RELA: variants seen among roughly 807,000 people sequenced by gnomAD.
The protein encoded by RELA is transcription factor p65.
In RELA, 14 loss-of-function variants were observed where a neutral mutation model predicts 56.7. The ratio of observed to expected loss-of-function variants is 0.25; its 90% CI spans 0.16 to 0.39. RELA has a LOEUF of 0.39. RELA is among the 10% of genes least tolerant of loss of function. The pLI is 1.00. For synonymous variants in RELA, 315 were observed against 289.7 expected, an observed-to-expected ratio of 1.09 and a Z score of -0.89; for missense variants, 559 against 736.4, an observed-to-expected ratio of 0.76 and a Z score of 2.79.
In RELA at chr11:65,653,785, C is replaced by T. The variant is rs1037353058; in HGVS notation, c.*593G>A. On this transcript the variant is annotated 3_prime_UTR_variant, in exon 11 of 11. Transcript: ENST00000406246. ...AGAGCAAGGAAGTCCCAGACCAAACCCCTTCTGGATCCTGGAGAGAGCCAG... is the reference window on the plus strand; with the variant it reads ...AGAGCAAGGAAGTCCCAGACCAAACTCCTTCTGGATCCTGGAGAGAGCCAG... 1 of 156,656 alleles carries T rather than the reference C, an allele frequency of 6.4e-6. No individual in the cohort carries two copies. The highest frequency in any genetic ancestry group is 6.4e-5 in the Admixed American group (1 of 15,602). 9.7% of individuals were successfully genotyped at this position (156,656 alleles called of 1,614,324 possible).
chr11:65,657,402 G>A (rs78872617), intron 8 of RELA, among the ~76,000 whole-genome samples: 2,372 of 149,686 alleles, frequency 0.016, 66 homozygotes, highest in African/African-American at 0.054. Flanking sequence ...TCCCTGCTTT[G>A]AGTCTGTCTG....
At chr11:65,660,300 C>A in intron 4 of RELA, 85 bp from the exon 5 acceptor site, 1 of 1,235,244 alleles carries the variant, frequency 8.1e-7, no homozygotes, top group Non-Finnish European at 1.2e-6. Flanking sequence ...TCCTACTCTG[C>A]CCACCCCTAG....
rs1856495088 is a variant in RELA at position 65,658,891 on chromosome 11, G to A, written c.560-69C>T. ...GTCCCCAGGGTGGCCTGCAGGAGAT[G>A]CAACTTCCCTGCCCAGCCCAGAGTC... On this transcript the variant is annotated intron_variant, in intron 6 of 10. Transcript: ENST00000406246. This position sits in a 1 kb window ranked among gnomAD's most constrained non-coding sequence, Gnocchi z 4.5. 3 of 1,267,688 alleles carry A rather than the reference G, an allele frequency of 2.4e-6. No homozygotes were observed. The highest frequency in any genetic ancestry group is 2.3e-5 in the East Asian group (1 of 43,262). 78.5% of individuals were successfully genotyped at this position (1,267,688 alleles called of 1,614,324 possible).
Position 65,654,091 on chromosome 11 carries a change from C to T in RELA, c.*287G>A. Reference sequence around the variant, plus strand: ...GCTGGAGGATGGGGATGGGGGACCCCAGAGTTCCCTACAGAGAAGGGAGCT... The same window carrying T: ...GCTGGAGGATGGGGATGGGGGACCCTAGAGTTCCCTACAGAGAAGGGAGCT... On this transcript the variant is annotated 3_prime_UTR_variant, in exon 11 of 11. Transcript: ENST00000406246. 2.1e-6 allele frequency: 1 copy of T among 465,272 alleles called. No individual in the cohort carries two copies. Among genetic ancestry groups the T allele is most frequent in the Non-Finnish European group, 3.9e-6 (1 of 254,216 alleles). 28.8% of individuals were successfully genotyped at this position (465,272 alleles called of 1,614,324 possible). A position where few individuals can be genotyped will look rare whatever the true frequency, so the allele number is the denominator to read the frequency against.
At chr11:65,663,369 C>A (rs1198426743), upstream of RELA, among the ~76,000 whole-genome samples, 1 of 152,212 alleles carries the variant, frequency 6.6e-6, no homozygotes, top group Non-Finnish European at 1.5e-5. Context: ...GCTAAAGGTG[C>A]CTTTCGGTGG....
In RELA at chr11:65,660,518, G is replaced by A. The variant is rs1590938036; in HGVS notation, c.336-303C>T. The A allele has an allele frequency of 1.9e-5, 7 of 371,488 alleles. No individual in the cohort carries two copies. The East Asian group carries it at 2.1e-4, about 11-fold the overall frequency. The allele number at this position is 371,488 out of a possible 1,614,324, so 23.0% of individuals were successfully genotyped here. A position where few individuals can be genotyped will look rare whatever the true frequency, so the allele number is the denominator to read the frequency against. ...TCAAGGCCTTTGCACTTGTTTGGTCGGCTTGGAATGTTCTTTTCCTACTTC... is the reference window on the plus strand; with the variant it reads ...TCAAGGCCTTTGCACTTGTTTGGTCAGCTTGGAATGTTCTTTTCCTACTTC... On this transcript the variant is annotated intron_variant, in intron 4 of 10. Transcript: ENST00000406246.
intron 8 of RELA, among the ~76,000 whole-genome samples, chr11:65,657,083 T>A (rs561559654): frequency 1.4e-3 from 208 of 152,096 alleles, no homozygotes; most frequent in Non-Finnish European, 2.4e-3. Flanking sequence ...CCAGGGACGA[T>A]ATGGTGATGT....
At position 65,655,006 on chromosome 11, in the gene RELA, G is replaced by A. The variant is rs1276331179; in HGVS notation, c.1034-6C>T. The A allele has an allele frequency of 1.9e-5, 30 of 1,591,036 alleles. No homozygotes were observed. The highest frequency in any genetic ancestry group is 3.4e-5 in the South Asian group (3 of 87,512). ...AAAGGGATAGGGCTGGGGTGCTGGA[G>A]GAGAGAGACAGAGAGGCAGGGGTCA... On this transcript the variant is annotated splice_region_variant and splice_polypyrimidine_tract_variant and intron_variant, in intron 10 of 10. Transcript: ENST00000406246.
upstream of RELA, among the ~76,000 whole-genome samples, chr11:65,663,481 A>C (rs1027042690): frequency 6.6e-6 from 1 of 152,180 alleles, no homozygotes; most frequent in African/African-American, 2.4e-5. Flanking sequence ...CAGTGCATCA[A>C]GAGCTTTGCG....
intron 1 of RELA, 139 bp from the exon 2 acceptor site, chr11:65,662,344 G>GA: frequency 1.0e-6 from 1 of 1,000,058 alleles, no homozygotes; most frequent in Non-Finnish European, 1.4e-6. Context: ...AACCTGCGGT[G>GA]AAACTAAGGG....
chr11:65,654,137 A>C lies in RELA; in HGVS notation c.*241T>G. ...GAGCTGACCATCAGGACAGGGGAAA[A>C]GTTTGAGTTTCCCCAGCTCCCCCCT... On this transcript the variant is annotated 3_prime_UTR_variant, in exon 11 of 11. Transcript: ENST00000406246. The C allele has an allele frequency of 1.8e-6, 1 of 570,846 alleles. No homozygotes were observed. 35.4% of individuals were successfully genotyped at this position (570,846 alleles called of 1,614,324 possible).
At chr11:65,659,543 T>G (rs1856510709) in intron 6 of RELA, 123 bp downstream of exon 6, 1 of 1,261,668 alleles carries the variant, frequency 7.9e-7, no homozygotes, top group Non-Finnish European at 1.1e-6. Context: ...CAGAGAAGAG[T>G]AGACAAATAC....
chr11:65,654,277 T>C lies in RELA; in HGVS notation c.*101A>G. The C allele has an allele frequency of 6.9e-7, 1 of 1,443,842 alleles. No homozygotes were observed. The highest frequency in any genetic ancestry group is 9.7e-7 in the Non-Finnish European group (1 of 1,032,836). 89.4% of individuals were successfully genotyped at this position (1,443,842 alleles called of 1,614,324 possible). On this transcript the variant is annotated 3_prime_UTR_variant, in exon 11 of 11. Coordinates refer to ENST00000406246, the MANE Select transcript of RELA (RefSeq NM_021975.4). ...CCCTCCAAGGAAGACATCCACAAAGTTGGGGGCAGTTGGAACACACCCCAC... is the reference window on the plus strand; with the variant it reads ...CCCTCCAAGGAAGACATCCACAAAGCTGGGGGCAGTTGGAACACACCCCAC...
Position 65,658,809 on chromosome 11 carries a change from A to C in RELA, c.573T>G (p.Thr191=). 1 of 1,613,984 alleles carries C rather than the reference A, an allele frequency of 6.2e-7. No homozygotes were observed. Among genetic ancestry groups the C allele is most frequent in the Non-Finnish European group, 8.5e-7 (1 of 1,179,972 alleles). The change falls in exon 7 of 11, where the codon ACT becomes ACG. Residue 191 remains threonine, a synonymous_variant. Coordinates refer to ENST00000406246, the MANE Select transcript of RELA (RefSeq NM_021975.4). The surrounding 1 kb of genome is among the most constrained non-coding windows in gnomAD (Gnocchi z 4.5). ...HPIFDNRAPN[T]AELKICRVNR... ...TCACTCGGCAGATCTTGAGCTCGGC[A>C]GTGTTGGGGGCACCTGAGGCAGTGA...
rs951877648 is a variant in RELA at position 65,654,390 on chromosome 11, C to G, written c.1644G>C (p.Gln548His). The G allele has an allele frequency of 2.5e-6, 4 of 1,613,350 alleles. No homozygotes were observed. In the Admixed American group the frequency reaches 6.7e-5, roughly 27 times the overall value. Residue 548 changes from glutamine (Q) to histidine (H), a missense_variant, in exon 11 of 11, where the codon CAG (glutamine) becomes CAC (histidine). Coordinates refer to ENST00000406246, the MANE Select transcript of RELA (RefSeq NM_021975.4). ...ADMDFSALLS[Q>H]ISS The stretch of plus-strand genomic sequence containing the variant: ...AGGCGTCACCCCCTTAGGAGCTGAT[C>G]TGACTCAGCAGGGCTGAGAAGTCCA...
chr11:65,662,684 C>CCCGCG, intron 1 of RELA, 142 bp downstream of exon 1: 1 of 596,348 alleles, frequency 1.7e-6, no homozygotes. Flanking sequence ...CCTGCCCCGC[C>CCCGCG]CCGCGCCACC....
upstream of RELA, chr11:65,662,945 G>A (rs1335352736): frequency 2.2e-6 from 2 of 925,790 alleles, no homozygotes; most frequent in Non-Finnish European, 2.7e-6. Flanking sequence ...TCGCGTCACT[G>A]CCCGGAATCC....
chr11:65,655,272 A>C, intron 10 of RELA: 1 of 569,708 alleles, frequency 1.8e-6, no homozygotes, highest in Non-Finnish European at 3.1e-6. Context: ...GATAAGCTGG[A>C]CTCCTCAGTT....
intron 10 of RELA, chr11:65,655,375 C>G (rs1010935891): frequency 5.2e-6 from 3 of 577,350 alleles, no homozygotes; most frequent in Middle Eastern, 4.6e-4. Context: ...GTTTTTGAGC[C>G]TCGCACAGGC....
Sources: allele counts gnomAD v4.1 joint callset (sites outside exome capture counted in the v4.1 genomes callset), GRCh38; gene constraint gnomAD v4.1.1; non-coding constraint Gnocchi (gnomAD v3.1); transcripts MANE v1.5; gene names NCBI Gene and HGNC (gene_info 2026-07-23, HGNC 2026-07-21).